The following PID1 variants were observed in gnomAD, a reference collection of about 807,000 sequenced individuals.
The protein encoded by PID1 is PTB-containing, cubilin and LRP1-interacting protein.
PID1 carries 10 observed loss-of-function variants against 19.1 expected under a neutral mutation model. The ratio of observed to expected loss-of-function variants is 0.52; its 90% CI spans 0.32 to 0.89. PID1 has a LOEUF of 0.89. PID1 is among the 40% of genes least tolerant of loss of function. PID1 has a pLI of 0.03. For missense variants in PID1, 248 were observed against 285.3 expected (o/e 0.87, Z 0.94); for synonymous variants, 130 against 116.0 (o/e 1.12, Z -0.78).
At chr2:229,177,803 C>A (rs1690855741) in intron 1 of PID1, among the ~76,000 whole-genome samples, 1 of 152,184 alleles carries the variant, frequency 6.6e-6, no homozygotes, top group Admixed American at 6.5e-5. Context: ...GCCTCCAGAG[C>A]TATGTCAGGT....
chr2:229,228,764 T>G (rs1692138531), intron 1 of PID1, among the ~76,000 whole-genome samples: 1 of 152,216 alleles, frequency 6.6e-6, no homozygotes, highest in Non-Finnish European at 1.5e-5. Flanking sequence ...CGGTAGTTGT[T>G]TTCCTGAAAT....
intron 2 of PID1, among the ~76,000 whole-genome samples, chr2:229,067,312 A>G (rs971273621): frequency 3.3e-5 from 5 of 152,146 alleles, no homozygotes; most frequent in South Asian, 2.1e-4. Flanking sequence ...GAGCCAAACC[A>G]TATTACCCTT....
chr2:229,170,672 T>C (rs1690693841), intron 1 of PID1, among the ~76,000 whole-genome samples: 1 of 152,146 alleles, frequency 6.6e-6, no homozygotes, highest in Non-Finnish European at 1.5e-5. Context: ...TTATGGAAAG[T>C]TTAATGTAAG....
chr2:229,056,397 C>T (rs1243217668), intron 2 of PID1, among the ~76,000 whole-genome samples: 3 of 152,100 alleles, frequency 2.0e-5, no homozygotes, highest in Non-Finnish European at 4.4e-5. Context: ...GTTAGGCACA[C>T]TACCGACTTG....
At chr2:229,082,139 C>CA (rs1694680446) in intron 2 of PID1, among the ~76,000 whole-genome samples, 1 of 152,202 alleles carries the variant, frequency 6.6e-6, no homozygotes, top group South Asian at 2.1e-4. Context: ...CCATGATACT[C>CA]AGAGTAACTG....
intron 2 of PID1, among the ~76,000 whole-genome samples, chr2:229,123,729 T>G (rs533377137): frequency 2.1e-4 from 32 of 152,334 alleles, no homozygotes; most frequent in African/African-American, 7.0e-4. Context: ...AAGGAGTACC[T>G]CATGGTAGTT....
intron 1 of PID1, among the ~76,000 whole-genome samples, chr2:229,220,969 C>T (rs1442837744): frequency 1.5e-4 from 23 of 152,056 alleles, no homozygotes; most frequent in Admixed American, 1.5e-3. Flanking sequence ...TTGCTTTAAC[C>T]CATAAATATT....
chr2:229,091,261 A>G (rs1210558839), intron 2 of PID1, among the ~76,000 whole-genome samples: 1 of 152,116 alleles, frequency 6.6e-6, no homozygotes, highest in Non-Finnish European at 1.5e-5. Context: ...TACTAGCAAA[A>G]TGGGCATGCA....
chr2:229,242,297 C>T (rs1409499181), intron 1 of PID1, among the ~76,000 whole-genome samples: 1 of 152,174 alleles, frequency 6.6e-6, no homozygotes, highest in African/African-American at 2.4e-5. Flanking sequence ...AAAATCAAAA[C>T]TCACAGCACT....
At chr2:229,042,695 T>G (rs1324477626) in intron 2 of PID1, among the ~76,000 whole-genome samples, 2 of 152,224 alleles carry the variant, frequency 1.3e-5, no homozygotes, top group Non-Finnish European at 2.9e-5. Context: ...AATGTCATAT[T>G]CTACCTTCTC....
intron 1 of PID1, among the ~76,000 whole-genome samples, chr2:229,209,080 A>G (rs1258094498): frequency 6.6e-6 from 1 of 152,198 alleles, no homozygotes; most frequent in Non-Finnish European, 1.5e-5. Flanking sequence ...TAACACTGTC[A>G]GACTGTCAAA....
intron 1 of PID1, among the ~76,000 whole-genome samples, chr2:229,159,167 T>C (rs1042716960): frequency 6.6e-6 from 1 of 152,198 alleles, no homozygotes; most frequent in Non-Finnish European, 1.5e-5. Flanking sequence ...TATTGTGCGT[T>C]GCATGCCTGA....
chr2:229,105,836 T>C (rs1695166550), intron 2 of PID1, among the ~76,000 whole-genome samples: 1 of 152,200 alleles, frequency 6.6e-6, no homozygotes, highest in East Asian at 1.9e-4. Context: ...TCCCAGCACT[T>C]TGGGAGGCTG....
intron 2 of PID1, among the ~76,000 whole-genome samples, chr2:229,123,704 AT>A (rs1173387597): frequency 6.6e-6 from 1 of 152,154 alleles, no homozygotes; most frequent in Non-Finnish European, 1.5e-5. Flanking sequence ...TGTCTTTTTC[AT>A]TCAAGTGGGT....
intron 2 of PID1, among the ~76,000 whole-genome samples, chr2:229,139,049 G>GAA (rs1257686723): frequency 1.5e-5 from 1 of 65,740 alleles, no homozygotes; most frequent in African/African-American, 5.7e-5. Flanking sequence ...GAGAAAGAAA[G>GAA]AAAGAAAGAG....
chr2:229,163,310 T>C (rs533815589), intron 1 of PID1, among the ~76,000 whole-genome samples: 1 of 152,296 alleles, frequency 6.6e-6, no homozygotes, highest in South Asian at 2.1e-4. Context: ...GCATTTATCT[T>C]CTTGTTACAA....
In PID1 at chr2:229,200,941, G is replaced by A. The variant is rs115410011; in HGVS notation, c.31-44977C>T. Among the ~76,000 whole-genome samples, 1,124 of 152,094 alleles carry A rather than the reference G, an allele frequency of 7.4e-3. 19 individuals are homozygous for A. Among genetic ancestry groups the A allele is most frequent in the African/African-American group, 0.026 (1,080 of 41,524 alleles). On this transcript the variant is annotated intron_variant, in intron 1 of 2. Coordinates refer to ENST00000392055, the MANE Select transcript of PID1 (RefSeq NM_001100818.2). ...AACACAATGCAGAATGGACACCAACGCATTAACAGGAGAGTCTGAATTGGG... is the reference window on the plus strand; with the variant it reads ...AACACAATGCAGAATGGACACCAACACATTAACAGGAGAGTCTGAATTGGG...
chr2:229,084,748 G>A (rs142374600), intron 2 of PID1, among the ~76,000 whole-genome samples: 103 of 152,296 alleles, frequency 6.8e-4, no homozygotes, highest in African/African-American at 2.4e-3. Flanking sequence ...GGCGAGTGGA[G>A]TCTGTGAAGC....
rs543158290 is a variant in PID1 at position 229,170,641 on chromosome 2, T to TA, written c.31-14678dup. Among the ~76,000 whole-genome samples, 300 of 152,152 alleles carry TA rather than the reference T, an allele frequency of 2.0e-3. 1 individual carries two copies. The highest frequency in any genetic ancestry group is 3.0e-3 in the Non-Finnish European group (206 of 67,982). ...TGATAATTTTTATTTTCTACCAATT[T>TA]AAAAAAAATGTGTTTTCATTTTATG... is the stretch of plus-strand genomic sequence containing the variant. On this transcript the variant is annotated intron_variant, in intron 1 of 2. Coordinates refer to ENST00000392055, the MANE Select transcript of PID1 (RefSeq NM_001100818.2).
Sources: allele counts gnomAD v4.1 joint callset (sites outside exome capture counted in the v4.1 genomes callset), GRCh38; gene constraint gnomAD v4.1.1; transcripts MANE v1.5; gene names NCBI Gene and HGNC (gene_info 2026-07-23, HGNC 2026-07-21).